The following TGFA variants were observed in gnomAD, a reference collection of about 807,000 sequenced individuals.
The protein encoded by TGFA is transforming growth factor alpha, also known as protransforming growth factor alpha.
A neutral mutation model predicts 21.7 loss-of-function variants in TGFA; 12 were observed. The ratio of observed to expected loss-of-function variants is 0.55; its 90% CI spans 0.35 to 0.90. The LOEUF (loss-of-function observed/expected upper bound fraction) is 0.90. Ranked by LOEUF, TGFA falls within the 40% of genes least tolerant of loss-of-function variation. The pLI is 0.01. For synonymous variants in TGFA, 79 were observed against 88.1 expected (o/e 0.90, Z 0.58); for missense variants, 178 against 210.8 (o/e 0.84, Z 0.96).
chr2:70,536,845 A>G (rs1559141236), intron 1 of TGFA, among the ~76,000 whole-genome samples: 1 of 152,316 alleles, frequency 6.6e-6, no homozygotes, highest in African/African-American at 2.4e-5. Flanking sequence ...GAAGTGATTC[A>G]TTTTAGTTAC....
intron 1 of TGFA, among the ~76,000 whole-genome samples, chr2:70,524,450 G>A (rs1672570799): frequency 6.6e-6 from 1 of 152,192 alleles, no homozygotes; most frequent in Admixed American, 6.5e-5. Context: ...CTGGCTGGCT[G>A]AGGGCCCCCA....
chr2:70,526,663 G>A (rs907627147), intron 1 of TGFA, among the ~76,000 whole-genome samples: 3 of 152,180 alleles, frequency 2.0e-5, no homozygotes, highest in South Asian at 4.1e-4. Flanking sequence ...AAATGCAATA[G>A]CTCTGCTATG....
chr2:70,461,233 C>A (rs1031021910), intron 3 of TGFA, among the ~76,000 whole-genome samples: 11 of 152,152 alleles, frequency 7.2e-5, no homozygotes, highest in African/African-American at 2.7e-4. Context: ...GTGTGTGACC[C>A]CCACTCTGGG....
At chr2:70,478,369 G>A (rs1229962779) in intron 2 of TGFA, among the ~76,000 whole-genome samples, 1 of 152,130 alleles carries the variant, frequency 6.6e-6, no homozygotes, top group Non-Finnish European at 1.5e-5. Context: ...GGCAGAAATC[G>A]CCAAGGCAGG....
intron 2 of TGFA, among the ~76,000 whole-genome samples, chr2:70,507,360 T>C (rs1390028775): frequency 6.6e-6 from 1 of 152,268 alleles, no homozygotes; most frequent in Non-Finnish European, 1.5e-5. Flanking sequence ...GAACACTATA[T>C]GCCCTGTATT....
intron 1 of TGFA, among the ~76,000 whole-genome samples, chr2:70,531,257 G>C (rs570747770): frequency 6.6e-6 from 1 of 152,212 alleles, no homozygotes; most frequent in South Asian, 2.1e-4. Context: ...CTCTTACTTC[G>C]AGGGGAGGCA....
rs577881975 is a variant in TGFA at position 70,548,978 on chromosome 2, G to C, written c.40+4750C>G. ...AACAAAACCAAAAGCCACCATAAAA[G>C]TCTCCCAATCTTCCTCTATCTAAGT... On this transcript the variant is annotated intron_variant, in intron 1 of 5. Coordinates refer to ENST00000295400, the MANE Select transcript of TGFA (RefSeq NM_003236.4). Among the ~76,000 whole-genome samples the C allele has an allele frequency of 3.3e-5, 5 of 152,294 alleles. No homozygotes were observed. In the South Asian group the frequency reaches 1.0e-3, roughly 32 times the overall value.
chr2:70,451,815 C>A, intron 5 of TGFA: 1 of 684,176 alleles, frequency 1.5e-6, no homozygotes, highest in South Asian at 1.5e-5. Context: ...ATCCTCACTC[C>A]CCCACTGATT....
intron 2 of TGFA, among the ~76,000 whole-genome samples, chr2:70,483,811 A>G (rs971513757): frequency 1.3e-5 from 2 of 152,162 alleles, no homozygotes; most frequent in African/African-American, 4.8e-5. Context: ...TTGTTCCCTC[A>G]ACAAAGTGCT....
intron 2 of TGFA, among the ~76,000 whole-genome samples, chr2:70,514,370 C>A (rs1672198963): frequency 6.6e-6 from 1 of 151,702 alleles, no homozygotes; most frequent in Non-Finnish European, 1.5e-5. Flanking sequence ...ATGTCCCAAG[C>A]TCTCCACTAT....
At chr2:70,530,617 T>G (rs1288983078) in intron 1 of TGFA, among the ~76,000 whole-genome samples, 1 of 152,228 alleles carries the variant, frequency 6.6e-6, no homozygotes, top group Non-Finnish European at 1.5e-5. Flanking sequence ...AACCTTTGTC[T>G]AAGGTAACCC....
intron 1 of TGFA, among the ~76,000 whole-genome samples, chr2:70,548,162 A>G (rs1182144677): frequency 6.6e-6 from 1 of 152,224 alleles, no homozygotes; most frequent in African/African-American, 2.4e-5. Context: ...AGAATTTTTC[A>G]GGATTAACAT....
intron 2 of TGFA, among the ~76,000 whole-genome samples, chr2:70,495,519 C>A (rs1671549264): frequency 6.6e-6 from 1 of 152,168 alleles, no homozygotes; most frequent in South Asian, 2.1e-4. Context: ...TAACCTTTTA[C>A]TTTCCCAGGG....
intron 1 of TGFA, among the ~76,000 whole-genome samples, chr2:70,546,358 G>T (rs1024110561): frequency 6.6e-6 from 1 of 152,084 alleles, no homozygotes; most frequent in Admixed American, 6.5e-5. Flanking sequence ...GTGCAGGTTT[G>T]TTACATGGGT....
chr2:70,530,329 G>A (rs1348668054), intron 1 of TGFA, among the ~76,000 whole-genome samples: 1 of 152,180 alleles, frequency 6.6e-6, no homozygotes, highest in African/African-American at 2.4e-5. Context: ...TAATACTTCA[G>A]GATGCTGCCA....
At chr2:70,525,922 T>C (rs1672619781) in intron 1 of TGFA, among the ~76,000 whole-genome samples, 1 of 152,164 alleles carries the variant, frequency 6.6e-6, no homozygotes, top group Non-Finnish European at 1.5e-5. Flanking sequence ...CACAGAACCT[T>C]GTCTTGCTTA....
At chr2:70,473,706 T>C (rs548360847) in intron 2 of TGFA, among the ~76,000 whole-genome samples, 13 of 151,844 alleles carry the variant, frequency 8.6e-5, no homozygotes, top group Non-Finnish European at 1.3e-4. Flanking sequence ...ATGGTGGAGA[T>C]GAGATAAATA....
chr2:70,514,908 A>G lies in TGFA; in HGVS notation c.45T>C (p.Ile15=), dbSNP rs2103855224. The change falls in exon 2 of 6, where the codon ATT becomes ATC. Residue 15 remains isoleucine, a synonymous_variant. Coordinates refer to ENST00000295400, the MANE Select transcript of TGFA (RefSeq NM_003236.4). ...AGQLALFALG[I]VLAACQALEN... is the part of the protein sequence containing the mutation. The stretch of plus-strand genomic sequence containing the variant: ...CCAAGGCCTGGCACGCAGCCAACAC[A>G]ATACCTGTTGGGTGGAGGAGAAGAG... The G allele has an allele frequency of 6.2e-7, 1 of 1,613,844 alleles. No homozygotes were observed. Among genetic ancestry groups the G allele is most frequent in the African/African-American group, 1.3e-5 (1 of 75,034 alleles).
chr2:70,528,834 C>T (rs1553503276), intron 1 of TGFA, among the ~76,000 whole-genome samples: 1 of 152,188 alleles, frequency 6.6e-6, no homozygotes, highest in Non-Finnish European at 1.5e-5. Flanking sequence ...TAAGGGAGGG[C>T]TCCCAAGTGG....
Sources: allele counts gnomAD v4.1 joint callset (sites outside exome capture counted in the v4.1 genomes callset), GRCh38; gene constraint gnomAD v4.1.1; transcripts MANE v1.5; gene names NCBI Gene and HGNC (gene_info 2026-07-23, HGNC 2026-07-21).